ZNF701: variants seen among roughly 807,000 people sequenced by gnomAD.
ZNF701 encodes the protein zinc finger protein 701.
In ZNF701, 6 loss-of-function variants were observed where a neutral mutation model predicts 7.1. That is an observed-to-expected ratio of 0.84 (90% CI 0.46 to 1.66). The LOEUF (loss-of-function observed/expected upper bound fraction) is 1.66, where lower values mean the gene tolerates loss of function less well. Ranked by LOEUF, ZNF701 falls within the 40% of genes most tolerant of loss-of-function variation. The pLI is 0.01. For synonymous variants in ZNF701, 166 were observed against 188.2 expected (o/e 0.88, Z 0.97); for missense variants, 541 against 559.2 (o/e 0.97, Z 0.33).
chr19:52,578,525 CT>C (rs1361971154), intron 3 of ZNF701, among the ~76,000 whole-genome samples: 1 of 152,184 alleles, frequency 6.6e-6, no homozygotes, highest in Non-Finnish European at 1.5e-5. Flanking sequence ...GCTGCTTTCT[CT>C]TTATCTCTTT....
At chr19:52,587,781 T>A (rs868470239), downstream of ZNF701, among the ~76,000 whole-genome samples, 1 of 152,214 alleles carries the variant, frequency 6.6e-6, no homozygotes, top group Non-Finnish European at 1.5e-5. Context: ...TTTGTTCTGT[T>A]TTATCAAAGA....
At chr19:52,588,321 A>G (rs2060023324), downstream of ZNF701, among the ~76,000 whole-genome samples, 1 of 151,978 alleles carries the variant, frequency 6.6e-6, no homozygotes, top group Non-Finnish European at 1.5e-5. Context: ...CCCCATCTCT[A>G]GTAAAAATAG....
At chr19:52,600,044 T>C in the ZNF701 span, among the ~76,000 whole-genome samples, 3 of 152,328 alleles carry the variant, frequency 2.0e-5, no homozygotes, top group East Asian at 5.8e-4. Context: ...ATGGGTTGTA[T>C]AGAACACTGA....
intron 3 of ZNF701, among the ~76,000 whole-genome samples, chr19:52,580,872 C>CAGCTACT (rs2059970808): frequency 6.7e-6 from 1 of 149,886 alleles, no homozygotes; most frequent in Non-Finnish European, 1.5e-5. Flanking sequence ...GCCTGTAATC[C>CAGCTACT]CAGGACTTCG....
chr19:52,581,313 G>A (rs62117244), intron 3 of ZNF701, among the ~76,000 whole-genome samples: 13,544 of 152,052 alleles, frequency 0.089, 661 homozygotes, highest in Middle Eastern at 0.14. Context: ...TTGGCCTCGC[G>A]GGTTCAAGCA....
the ZNF701 span, chr19:52,592,325 G>A: frequency 7.9e-7 from 1 of 1,264,954 alleles, no homozygotes; most frequent in East Asian, 2.4e-5. Flanking sequence ...CCCCATACAT[G>A]CTTTTCATGT....
Position 52,582,666 on chromosome 19 carries a change from A to G in ZNF701, c.607A>G (p.Thr203Ala). 6.2e-7 allele frequency: 1 copy of G among 1,614,194 alleles called. No homozygotes were observed. ...TAATTTCCTCCAGTCTTCATTACTC[A>G]CACAAAAACGGGAAGTACACACAAG... ...RNNFLQSSLLTQKREVHTREK... is the reference protein window; with the variant it reads ...RNNFLQSSLLAQKREVHTREK... Residue 203 changes from threonine (T) to alanine (A), a missense_variant, in exon 4 of 4, where the codon ACA becomes GCA. Thr to Ala is a moderately conservative substitution (Grantham distance 58). Transcript: ENST00000391785.
intron 3 of ZNF701, among the ~76,000 whole-genome samples, chr19:52,581,190 T>A (rs1350391908): frequency 6.6e-6 from 1 of 152,140 alleles, no homozygotes. Flanking sequence ...ATATAGATAA[T>A]TTTGTAACAG....
At chr19:52,574,026 G>T in intron 1 of ZNF701, 51 bp from the exon 2 acceptor site, 2 of 1,569,402 alleles carry the variant, frequency 1.3e-6, no homozygotes, top group Non-Finnish European at 1.7e-6. Flanking sequence ...TGTGTTACAG[G>T]CAGGAGGTGT....
chr19:52,590,320 G>A (rs1343217599), downstream of ZNF701, among the ~76,000 whole-genome samples: 3 of 145,152 alleles, frequency 2.1e-5, no homozygotes, highest in African/African-American at 7.7e-5. Context: ...AGGCTGTTCT[G>A]CAAACTCCTG....
downstream of ZNF701, among the ~76,000 whole-genome samples, chr19:52,588,346 C>T (rs2060023387): frequency 2.0e-5 from 3 of 151,816 alleles, no homozygotes; most frequent in South Asian, 6.2e-4. Flanking sequence ...ATTAGCTGGG[C>T]CTGGCAGCGC....
At chr19:52,572,666 T>C (rs1292177116) in intron 1 of ZNF701, 2 of 350,368 alleles carry the variant, frequency 5.7e-6, no homozygotes, top group Non-Finnish European at 1.1e-5. Context: ...CAGCTAAATC[T>C]AAAGCAGATC....
intron 1 of ZNF701, chr19:52,570,876 C>A (rs2059893296): frequency 6.6e-6 from 1 of 152,482 alleles, no homozygotes; most frequent in South Asian, 2.1e-4. Context: ...AGGGGCCAGT[C>A]CTGTGACACG....
chr19:52,570,655 C>G (rs1297784405), intron 1 of ZNF701: 1 of 152,264 alleles, frequency 6.6e-6, no homozygotes, highest in African/African-American at 2.4e-5. Context: ...TCCGCCTGGG[C>G]GCCTCCCAGT....
At chr19:52,575,434 T>G (rs1173750193) in intron 2 of ZNF701, among the ~76,000 whole-genome samples, 1 of 144,452 alleles carries the variant, frequency 6.9e-6, no homozygotes, top group Admixed American at 6.8e-5. Flanking sequence ...TGTGAGTGTG[T>G]GTAGGTTTTA....
rs994488985 is a variant in ZNF701, at chr19:52,583,797, A to G, written c.*340A>G. On this transcript the variant is annotated 3_prime_UTR_variant, in exon 4 of 4. Coordinates refer to ENST00000391785, the MANE Select transcript of ZNF701 (RefSeq NM_018260.3). ...TGGTATAGGGAAACTTGACTAATGT[A>G]ATGATTGTCACAAAGTCTTCAGTAA... is the stretch of plus-strand genomic sequence containing the variant. 8.2e-6 allele frequency: 5 copies of G among 610,522 alleles called. No homozygotes were observed. The highest frequency in any genetic ancestry group is 1.5e-5 in the Non-Finnish European group (5 of 327,518). The allele number at this position is 610,522 out of a possible 1,614,324, so 37.8% of individuals were successfully genotyped here.
intron 3 of ZNF701, among the ~76,000 whole-genome samples, chr19:52,576,612 T>C (rs2059936063): frequency 6.9e-6 from 1 of 144,270 alleles, no homozygotes; most frequent in Non-Finnish European, 1.5e-5. Flanking sequence ...TCCTGTGCTT[T>C]CGATTCAGTA....
chr19:52,583,482 G>C lies in ZNF701; in HGVS notation c.*25G>C. Reference sequence around the variant, plus strand: ...GAAGTGTAAATTTGCAAGGTTTTTAGGCAACAGTCAAACCTTGCATGTCAT... The same window carrying C: ...GAAGTGTAAATTTGCAAGGTTTTTACGCAACAGTCAAACCTTGCATGTCAT... On this transcript the variant is annotated 3_prime_UTR_variant, in exon 4 of 4. Coordinates refer to ENST00000391785, the MANE Select transcript of ZNF701 (RefSeq NM_018260.3). 6.2e-7 allele frequency: 1 copy of C among 1,607,992 alleles called. No homozygotes were observed. Among genetic ancestry groups the C allele is most frequent in the Non-Finnish European group, 8.5e-7 (1 of 1,176,596 alleles).
chr19:52,576,447 AAG>A (rs1406372022), intron 3 of ZNF701, among the ~76,000 whole-genome samples: 2 of 152,084 alleles, frequency 1.3e-5, no homozygotes, highest in Non-Finnish European at 2.9e-5. Context: ...AGGCTGATGA[AAG>A]AGAATCGCTT....
Sources: gnomAD v4.1 joint callset for allele counts (sites outside exome capture counted in the v4.1 genomes callset) on GRCh38, gnomAD v4.1.1 for gene constraint, MANE v1.5 for transcripts, NCBI Gene and HGNC (gene_info 2026-07-23, HGNC 2026-07-21) for gene names.